The following SSH2 variants were observed in gnomAD, a reference collection of about 807,000 sequenced individuals.
SSH2 encodes slingshot protein phosphatase 2.
SSH2 carries 37 observed loss-of-function variants against 135.2 expected under a neutral mutation model. The ratio of observed to expected loss-of-function variants is 0.27; its 90% CI spans 0.21 to 0.36. The LOEUF (loss-of-function observed/expected upper bound fraction) is 0.36, where lower values mean the gene tolerates loss of function less well. SSH2 is among the 10% of genes least tolerant of loss of function. The probability of loss-of-function intolerance (pLI) is 1.00; values close to 1 mark genes in which losing one functional copy is unlikely to be tolerated. For synonymous variants in SSH2, 628 were observed against 646.2 expected (o/e 0.97, Z 0.43); for missense variants, 1,408 against 1,765.3 (o/e 0.80, Z 3.63).
At chr17:29,650,339 A>C (rs1405885289) in intron 13 of SSH2, among the ~76,000 whole-genome samples, 1 of 152,192 alleles carries the variant, frequency 6.6e-6, no homozygotes, top group Non-Finnish European at 1.5e-5. Context: ...AAAACTCCCC[A>C]CTGGCAACTT....
At chr17:29,731,480 G>A (rs1343653300) in intron 3 of SSH2, among the ~76,000 whole-genome samples, 9 of 150,216 alleles carry the variant, frequency 6.0e-5, no homozygotes, top group Non-Finnish European at 1.2e-4. Flanking sequence ...TTTTGAGATG[G>A]AGTCTCACTC....
At chr17:29,644,094 T>C (rs1457151306) in intron 14 of SSH2, among the ~76,000 whole-genome samples, 1 of 152,238 alleles carries the variant, frequency 6.6e-6, no homozygotes, top group Non-Finnish European at 1.5e-5. Context: ...TGTTTCTTTT[T>C]AAAGGAGATG....
At chr17:29,814,579 A>G (rs1024676169) in intron 2 of SSH2, among the ~76,000 whole-genome samples, 2 of 152,098 alleles carry the variant, frequency 1.3e-5, no homozygotes, top group African/African-American at 4.8e-5. Context: ...ATGCATTCTA[A>G]TAAAAGAAAT....
At chr17:29,879,046 C>T (rs1157769518) in intron 1 of SSH2, among the ~76,000 whole-genome samples, 1 of 152,176 alleles carries the variant, frequency 6.6e-6, no homozygotes, top group East Asian at 1.9e-4. Context: ...CCCCTCACAT[C>T]TCATGTCTGT....
rs145779676 is a variant in SSH2, at chr17:29,892,826, C to T, written c.63+37112G>A. On this transcript the variant is annotated intron_variant, in intron 1 of 15. Transcript: ENST00000540801. ...CAGAAACTTGCTCCATGAATCATTC[C>T]CTCTTCCCTACCCTCTTCCCGTACC... 1.2e-4 allele frequency among the ~76,000 whole-genome samples: 18 copies of T among 151,902 alleles called. No homozygotes were observed. The East Asian group carries it at 3.3e-3, about 28-fold the overall frequency.
chr17:29,913,351 TATATA>T (rs2066814914), intron 1 of SSH2, among the ~76,000 whole-genome samples: 2 of 20,658 alleles, frequency 9.7e-5, no homozygotes, highest in East Asian at 1.5e-3. Context: ...AAAAAAAATA[TATATA>T]TATATATATA....
In SSH2 at chr17:29,631,793, A is replaced by G; in HGVS notation, c.3401T>C (p.Leu1134Pro). Reference protein sequence around the residue: ...LSSPEDRGSSLSTALETAAPF... With the variant: ...LSSPEDRGSSPSTALETAAPF... Reference sequence around the variant, plus strand: ...TGCTGCTGTCTCCAGGGCTGTGGACAGGCTGCTGCCTCTGTCTTCAGGGCT... The same window carrying G: ...TGCTGCTGTCTCCAGGGCTGTGGACGGGCTGCTGCCTCTGTCTTCAGGGCT... Residue 1134 changes from leucine (L) to proline (P), a missense_variant, in exon 16 of 16, where the codon CTG (leucine) becomes CCG (proline). Physicochemically the swap from Leu to Pro is moderately conservative, Grantham distance 98 (BLOSUM62 -3). Coordinates refer to ENST00000540801, the MANE Select transcript of SSH2 (RefSeq NM_001282129.2). 6.2e-7 allele frequency: 1 copy of G among 1,614,238 alleles called. No individual in the cohort carries two copies. The highest frequency in any genetic ancestry group is 8.5e-7 in the Non-Finnish European group (1 of 1,180,050).
chr17:29,831,575 CTTTT>C (rs761921450), intron 2 of SSH2, among the ~76,000 whole-genome samples: 3 of 134,390 alleles, frequency 2.2e-5, no homozygotes, highest in Admixed American at 7.5e-5. Flanking sequence ...AACTGTTTAT[CTTTT>C]TTTTTTTTTT....
At chr17:29,675,290 G>T (rs2037659181) in intron 8 of SSH2, among the ~76,000 whole-genome samples, 1 of 151,998 alleles carries the variant, frequency 6.6e-6, no homozygotes, top group African/African-American at 2.4e-5. Flanking sequence ...TGTTTTCAGG[G>T]GTAGATTATC....
At chr17:29,699,636 T>C (rs1407565323) in intron 4 of SSH2, among the ~76,000 whole-genome samples, 1 of 152,194 alleles carries the variant, frequency 6.6e-6, no homozygotes. Flanking sequence ...TGCCAACCAG[T>C]GCCAGGAGCT....
intron 6 of SSH2, among the ~76,000 whole-genome samples, chr17:29,679,166 C>G (rs1319333333): frequency 1.3e-5 from 2 of 152,168 alleles, no homozygotes; most frequent in African/African-American, 4.8e-5. Flanking sequence ...GCCACTATCT[C>G]TCCTTAACGC....
At chr17:29,671,388 T>A (rs1473585724) in intron 9 of SSH2, among the ~76,000 whole-genome samples, 1 of 152,072 alleles carries the variant, frequency 6.6e-6, no homozygotes, top group African/African-American at 2.4e-5. Flanking sequence ...CAGGCTGAAG[T>A]GAGAGGATCA....
intron 11 of SSH2, 127 bp from the exon 12 acceptor site, chr17:29,655,734 C>G: frequency 1.3e-6 from 1 of 741,684 alleles, no homozygotes; most frequent in Non-Finnish European, 2.4e-6. Flanking sequence ...CTTTAAGTTG[C>G]CAGGCACTTC....
intron 2 of SSH2, among the ~76,000 whole-genome samples, chr17:29,801,996 G>A (rs532163033): frequency 7.2e-5 from 11 of 152,302 alleles, no homozygotes; most frequent in African/African-American, 2.6e-4. Flanking sequence ...TGGTTAAGCA[G>A]ACAGAATCAT....
At chr17:29,694,622 T>C (rs1021654879) in intron 5 of SSH2, among the ~76,000 whole-genome samples, 2 of 152,162 alleles carry the variant, frequency 1.3e-5, no homozygotes, top group African/African-American at 2.4e-5. Context: ...TGAGCCGAGA[T>C]TGTGCCACTG....
intron 4 of SSH2, among the ~76,000 whole-genome samples, chr17:29,698,855 G>C (rs573436066): frequency 6.6e-5 from 10 of 152,198 alleles, no homozygotes; most frequent in African/African-American, 1.9e-4. Flanking sequence ...CCAGAGGAAA[G>C]GATTTTTAGG....
intron 5 of SSH2, among the ~76,000 whole-genome samples, chr17:29,686,031 A>G (rs1371754930): frequency 6.6e-6 from 1 of 151,618 alleles, no homozygotes. Flanking sequence ...TATTTTTATT[A>G]GAGACGGGGT....
At chr17:29,661,677 C>T (rs1044399892) in intron 11 of SSH2, among the ~76,000 whole-genome samples, 3 of 152,190 alleles carry the variant, frequency 2.0e-5, no homozygotes, top group Non-Finnish European at 2.9e-5. Context: ...CTGGAGCCAG[C>T]GAAATGTGAC....
At position 29,631,476 on chromosome 17, in the gene SSH2, G is replaced by A. The variant is rs749910005; in HGVS notation, c.3718C>T (p.Pro1240Ser). 8.7e-6 allele frequency: 14 copies of A among 1,614,124 alleles called. No homozygotes were observed. The highest frequency in any genetic ancestry group is 1.2e-5 in the Non-Finnish European group (14 of 1,180,028). Reference sequence around the variant, plus strand: ...ATGTTTTCACTACTAGAGCTATGTGGGAGTCGACAGGCTACAGGCAATGGG... The same window carrying A: ...ATGTTTTCACTACTAGAGCTATGTGAGAGTCGACAGGCTACAGGCAATGGG... ...MDPLPVACRL[P>S]HSSSSENIKS... is the part of the protein sequence containing the mutation. Residue 1240 changes from proline (P) to serine (S), a missense_variant, in exon 16 of 16, where the codon CCA (proline) becomes TCA (serine). Physicochemically the swap from Pro to Ser is moderately conservative, Grantham distance 74. Transcript: ENST00000540801.
Sources: gnomAD v4.1 joint callset for allele counts (sites outside exome capture counted in the v4.1 genomes callset) on GRCh38, gnomAD v4.1.1 for gene constraint, MANE v1.5 for transcripts, NCBI Gene and HGNC (gene_info 2026-07-23, HGNC 2026-07-21) for gene names.